PITPNM3: variants seen among roughly 807,000 people sequenced by gnomAD.
PITPNM3 encodes the protein PITPNM family member 3.
In PITPNM3, 26 loss-of-function variants were observed where a neutral mutation model predicts 102.0. The observed-to-expected ratio is 0.25, with a 90% CI of 0.19 to 0.35. The LOEUF is 0.35. Ranked by LOEUF, PITPNM3 falls within the 10% of genes least tolerant of loss-of-function variation. The probability of loss-of-function intolerance (pLI) is 1.00; values close to 1 mark genes in which losing one functional copy is unlikely to be tolerated. For missense variants in PITPNM3, 1,083 were observed against 1,346.1 expected, an observed-to-expected ratio of 0.80 and a Z score of 3.06; for synonymous variants, 578 against 558.6, an observed-to-expected ratio of 1.03 and a Z score of -0.49.
Position 6,455,084 on chromosome 17 carries a change from A to G in PITPNM3, c.*254T>C. On this transcript the variant is annotated 3_prime_UTR_variant, in exon 20 of 20. Transcript: ENST00000262483. ...CAGGATGACACAAACATGAACCCTGACTTGGGCTTGCGGTCGCAGGCCCGT... is the reference window on the plus strand; with the variant it reads ...CAGGATGACACAAACATGAACCCTGGCTTGGGCTTGCGGTCGCAGGCCCGT... 1.9e-6 allele frequency: 1 copy of G among 539,328 alleles called. No individual in the cohort carries two copies. The highest frequency in any genetic ancestry group is 3.2e-6 in the Non-Finnish European group (1 of 312,432). 33.4% of individuals were successfully genotyped at this position (539,328 alleles called of 1,614,324 possible).
At chr17:6,544,650 T>TCACACA (rs1198619210) in intron 1 of PITPNM3, among the ~76,000 whole-genome samples, 1 of 112,856 alleles carries the variant, frequency 8.9e-6, no homozygotes, top group African/African-American at 4.1e-5. Context: ...TCTCTCTCTC[T>TCACACA]CTCTCACACA....
At position 6,457,341 on chromosome 17, in the gene PITPNM3, G is replaced by A. The variant is rs1220479613; in HGVS notation, c.2619+253C>T. Among the ~76,000 whole-genome samples the A allele has an allele frequency of 6.6e-6, 1 of 152,162 alleles. No homozygotes were observed. Among genetic ancestry groups the A allele is most frequent in the Non-Finnish European group, 1.5e-5 (1 of 68,028 alleles). On this transcript the variant is annotated intron_variant, in intron 19 of 19. Transcript: ENST00000262483. The surrounding 1 kb of genome is among the most constrained non-coding windows in gnomAD (Gnocchi z 4.7). ...ATCATGGCACTTGTTACACTCCACT[G>A]TCACCAACTGCAAATGTGTCCATCT...
At chr17:6,525,259 C>T (rs1175402494) in intron 3 of PITPNM3, 97 bp downstream of exon 3, 4 of 1,114,394 alleles carry the variant, frequency 3.6e-6, no homozygotes, top group Non-Finnish European at 5.5e-6. Context: ...AGACTCTTCA[C>T]AGAAGGCCCA....
chr17:6,489,475 T>A (rs1469855466), intron 4 of PITPNM3, among the ~76,000 whole-genome samples: 2 of 132,662 alleles, frequency 1.5e-5, no homozygotes, highest in Non-Finnish European at 3.3e-5. Flanking sequence ...ATAAGGTTTT[T>A]TTTTATTTTT....
chr17:6,552,751 CCTTT>C (rs1910380050), intron 1 of PITPNM3, among the ~76,000 whole-genome samples: 1 of 149,624 alleles, frequency 6.7e-6, no homozygotes, highest in African/African-American at 2.5e-5. Flanking sequence ...CCCCTGGCCA[CCTTT>C]CTTTTTCTTT....
chr17:6,520,425 T>C (rs1420275431), intron 3 of PITPNM3, among the ~76,000 whole-genome samples: 1 of 152,186 alleles, frequency 6.6e-6, no homozygotes, highest in Non-Finnish European at 1.5e-5. Context: ...TAGTAGAGAA[T>C]ATTATAGTAC....
intron 3 of PITPNM3, among the ~76,000 whole-genome samples, chr17:6,507,426 A>T (rs1331232397): frequency 4.0e-5 from 6 of 151,024 alleles, no homozygotes; most frequent in African/African-American, 1.5e-4. Context: ...TCTACTAAAA[A>T]TACAAAAATT....
At position 6,556,235 on chromosome 17, in the gene PITPNM3, C is replaced by A. The variant is rs1423469802; in HGVS notation, c.22+150G>T. 4.1e-6 allele frequency: 2 copies of A among 482,632 alleles called. No homozygotes were observed. The highest frequency in any genetic ancestry group is 5.2e-5 in the Admixed American group (1 of 19,402). 29.9% of individuals were successfully genotyped at this position (482,632 alleles called of 1,614,324 possible). A position where few individuals can be genotyped will look rare whatever the true frequency, so the allele number is the denominator to read the frequency against. On this transcript the variant is annotated intron_variant, in intron 1 of 19. Transcript: ENST00000262483. This position sits in a 1 kb window ranked among gnomAD's most constrained non-coding sequence, Gnocchi z 5.2. ...GCGCGCGGAGCCCCCTCTCCACGCG[C>A]GGGAGGTCCAGCCCCGCTACCGCCC...
At chr17:6,524,304 T>A (rs1304569661) in intron 3 of PITPNM3, among the ~76,000 whole-genome samples, 1 of 151,842 alleles carries the variant, frequency 6.6e-6, no homozygotes, top group East Asian at 1.9e-4. Flanking sequence ...GAAGAGAAGA[T>A]GAAGAAGAAA....
intron 4 of PITPNM3, among the ~76,000 whole-genome samples, chr17:6,493,168 G>A (rs1238950744): frequency 6.6e-6 from 1 of 152,218 alleles, no homozygotes. Context: ...AGGGTAGTGG[G>A]GCTGCCACAG....
Position 6,497,360 on chromosome 17 carries a change from G to C in PITPNM3, c.274+6167C>G, listed in dbSNP as rs147025830. Among the ~76,000 whole-genome samples the C allele has an allele frequency of 2.5e-3, 388 of 152,346 alleles. 2 individuals carry two copies. The highest frequency in any genetic ancestry group is 8.2e-3 in the African/African-American group (342 of 41,580). ...GTGCGAAGTCAAACCACATGCCCAC[G>C]ATGGGGAGAGGTGAGCTGAGCCATC... On this transcript the variant is annotated intron_variant, in intron 4 of 19. Coordinates refer to ENST00000262483, the MANE Select transcript of PITPNM3 (RefSeq NM_031220.4).
chr17:6,512,991 T>A (rs1330412609), intron 3 of PITPNM3, among the ~76,000 whole-genome samples: 2 of 151,722 alleles, frequency 1.3e-5, no homozygotes, highest in Non-Finnish European at 2.9e-5. Context: ...TTATTCAGTA[T>A]GTGAAAATCA....
chr17:6,461,020 C>A, intron 18 of PITPNM3: 1 of 362,444 alleles, frequency 2.8e-6, no homozygotes, highest in South Asian at 2.5e-5. Context: ...CTCTGCCCCC[C>A]TGGTTCTGTT....
intron 10 of PITPNM3, among the ~76,000 whole-genome samples, chr17:6,473,869 C>T (rs763663916): frequency 6.6e-6 from 1 of 150,554 alleles, no homozygotes; most frequent in Admixed American, 6.6e-5. Flanking sequence ...TCAAGCTACT[C>T]GGGAGGCTGA....
chr17:6,513,733 G>C (rs914986014), intron 3 of PITPNM3, among the ~76,000 whole-genome samples: 6 of 152,186 alleles, frequency 3.9e-5, no homozygotes, highest in Admixed American at 6.5e-5. Context: ...GATCTACAGA[G>C]TCAACACAAT....
Position 6,536,867 on chromosome 17 carries a change from C to T in PITPNM3, c.118+1120G>A, listed in dbSNP as rs1347597007. On this transcript the variant is annotated intron_variant, in intron 2 of 19. Transcript: ENST00000262483. Reference sequence around the variant, plus strand: ...ACTTCCCAGAGTGGGGCCACGCAGGCCAAGCAAGAGCCAGGGACTGTCCTG... The same window carrying T: ...ACTTCCCAGAGTGGGGCCACGCAGGTCAAGCAAGAGCCAGGGACTGTCCTG... 4.7e-4 allele frequency among the ~76,000 whole-genome samples: 71 copies of T among 152,188 alleles called. 2 individuals carry two copies. The highest frequency in any genetic ancestry group is 4.6e-3 in the Admixed American group (71 of 15,278).
At chr17:6,494,198 G>A (rs1417179796) in intron 4 of PITPNM3, among the ~76,000 whole-genome samples, 1 of 152,192 alleles carries the variant, frequency 6.6e-6, no homozygotes, top group Non-Finnish European at 1.5e-5. Flanking sequence ...TGTAAGTGGA[G>A]GGCTGGGTAC....
intron 3 of PITPNM3, among the ~76,000 whole-genome samples, chr17:6,513,286 T>C (rs1006284000): frequency 2.0e-5 from 3 of 152,180 alleles, no homozygotes; most frequent in African/African-American, 7.2e-5. Flanking sequence ...TTCAATATTA[T>C]GTTGGAGACT....
At chr17:6,477,550 T>TC (rs1483412854) in intron 8 of PITPNM3, among the ~76,000 whole-genome samples, 2 of 152,092 alleles carry the variant, frequency 1.3e-5, no homozygotes, top group Non-Finnish European at 2.9e-5. Flanking sequence ...TTCTTCTTCT[T>TC]TTTTTTCCTT....
Sources: allele counts gnomAD v4.1 joint callset (sites outside exome capture counted in the v4.1 genomes callset), GRCh38; gene constraint gnomAD v4.1.1; non-coding constraint Gnocchi (gnomAD v3.1); transcripts MANE v1.5; gene names NCBI Gene and HGNC (gene_info 2026-07-23, HGNC 2026-07-21).